The following CNTN5 variants were observed in gnomAD, a reference collection of about 807,000 sequenced individuals.
CNTN5 encodes contactin-5.
In CNTN5, 77 loss-of-function variants were observed where a neutral mutation model predicts 129.1. The ratio of observed to expected loss-of-function variants is 0.60; its 90% confidence interval spans 0.50 to 0.72. CNTN5 has a LOEUF of 0.72. Ranked by LOEUF, CNTN5 falls within the 30% of genes least tolerant of loss-of-function variation. CNTN5 has a pLI of 0.00. For missense variants in CNTN5, 1,478 were observed against 1,328.8 expected (o/e 1.11, Z -1.75); for synonymous variants, 509 against 465.6 (o/e 1.09, Z -1.20).
intron 9 of CNTN5, among the ~76,000 whole-genome samples, chr11:100,051,449 A>G (rs925851777): frequency 2.0e-5 from 3 of 152,086 alleles, no homozygotes; most frequent in African/African-American, 7.2e-5. Context: ...TAACTGAATA[A>G]TAATGAAAAC....
intron 1 of CNTN5, among the ~76,000 whole-genome samples, chr11:99,235,710 C>G (rs575036499): frequency 6.6e-6 from 1 of 152,208 alleles, no homozygotes; most frequent in African/African-American, 2.4e-5. Flanking sequence ...AGTTGGATTT[C>G]TTTTCCTTGG....
rs555558647 is a variant in CNTN5 at position 99,481,950 on chromosome 11, A to T, written c.-70-74195A>T. On this transcript the variant is annotated intron_variant, in intron 2 of 24. Transcript: ENST00000524871. ...AATTTTGTGTAATAAGAACATAATC[A>T]GCACACAATAAATGTTATAAGAATG... Among the ~76,000 whole-genome samples, 7 of 152,312 alleles carry T rather than the reference A, an allele frequency of 4.6e-5. No homozygotes were observed. The South Asian group carries it at 1.4e-3, about 32-fold the overall frequency.
At chr11:99,069,566 TC>T (rs766074724) in intron 1 of CNTN5, among the ~76,000 whole-genome samples, 1 of 152,158 alleles carries the variant, frequency 6.6e-6, no homozygotes, top group African/African-American at 2.4e-5. Flanking sequence ...GGTCAGTCCT[TC>T]CCATTGAAAT....
At chr11:100,248,198 T>G (rs894529057) in intron 16 of CNTN5, among the ~76,000 whole-genome samples, 3 of 152,132 alleles carry the variant, frequency 2.0e-5, no homozygotes, top group South Asian at 2.1e-4. Flanking sequence ...CAAAGACCTG[T>G]TTAATGTTTT....
chr11:99,138,052 T>C (rs1458807720), intron 1 of CNTN5, among the ~76,000 whole-genome samples: 1 of 152,172 alleles, frequency 6.6e-6, no homozygotes, highest in Non-Finnish European at 1.5e-5. Context: ...CTAGCAAAAG[T>C]TTTTAGCTGA....
chr11:99,388,172 T>C (rs550586777), intron 2 of CNTN5, among the ~76,000 whole-genome samples: 1 of 152,110 alleles, frequency 6.6e-6, no homozygotes, highest in South Asian at 2.1e-4. Flanking sequence ...TCCTAGCACT[T>C]TGGGAGGCCG....
intron 16 of CNTN5, among the ~76,000 whole-genome samples, chr11:100,243,133 G>A (rs911244724): frequency 1.4e-4 from 21 of 152,274 alleles, no homozygotes; most frequent in African/African-American, 2.2e-4. Context: ...GTGCACGTGC[G>A]TGTGCACACA....
chr11:99,294,226 G>C (rs1591481750), intron 1 of CNTN5, among the ~76,000 whole-genome samples: 1 of 151,950 alleles, frequency 6.6e-6, no homozygotes. Flanking sequence ...AGTTTCTCTT[G>C]TTTGTGCCCT....
intron 3 of CNTN5, among the ~76,000 whole-genome samples, chr11:99,620,037 A>AAAAAAC (rs1555049913): frequency 2.0e-5 from 3 of 147,836 alleles, no homozygotes; most frequent in Admixed American, 1.4e-4. Context: ...AAAAAAAAAA[A>AAAAAAC]CAAAAAACAA....
intron 2 of CNTN5, among the ~76,000 whole-genome samples, chr11:99,400,655 A>G (rs538370572): frequency 9.2e-5 from 14 of 152,146 alleles, no homozygotes; most frequent in East Asian, 5.8e-4. Context: ...GGACCCTCCA[A>G]ACCCTTCTCC....
chr11:99,340,057 A>G (rs1299343214), intron 2 of CNTN5, among the ~76,000 whole-genome samples: 1 of 152,172 alleles, frequency 6.6e-6, no homozygotes, highest in Non-Finnish European at 1.5e-5. Context: ...GATGGATTAG[A>G]TATGACATGT....
intron 2 of CNTN5, among the ~76,000 whole-genome samples, chr11:99,466,543 A>C (rs1327906636): frequency 6.6e-6 from 1 of 152,096 alleles, no homozygotes; most frequent in Non-Finnish European, 1.5e-5. Flanking sequence ...GAGAGGCAAA[A>C]CTTTTTATAA....
intron 2 of CNTN5, among the ~76,000 whole-genome samples, chr11:99,338,258 C>G (rs560543269): frequency 1.4e-4 from 22 of 152,288 alleles, no homozygotes; most frequent in African/African-American, 4.8e-4. Flanking sequence ...CCTGGTCAAA[C>G]AGCTCTATAC....
At chr11:99,225,280 G>C (rs1860621936) in intron 1 of CNTN5, among the ~76,000 whole-genome samples, 1 of 152,126 alleles carries the variant, frequency 6.6e-6, no homozygotes, top group Non-Finnish European at 1.5e-5. Context: ...GAAGCCTATA[G>C]CAACAGGGCG....
At chr11:99,094,314 A>AAT (rs1460708838) in intron 1 of CNTN5, among the ~76,000 whole-genome samples, 6 of 152,018 alleles carry the variant, frequency 3.9e-5, no homozygotes, top group African/African-American at 9.7e-5. Context: ...GTGTGTCTAA[A>AAT]ACATTGATTC....
At chr11:99,857,237 C>G (rs1365282055) in intron 6 of CNTN5, among the ~76,000 whole-genome samples, 3 of 152,164 alleles carry the variant, frequency 2.0e-5, no homozygotes, top group Non-Finnish European at 4.4e-5. Context: ...TCATTGAGGG[C>G]AGATTTCATG....
At chr11:99,414,963 T>A (rs972331382) in intron 2 of CNTN5, among the ~76,000 whole-genome samples, 5 of 152,194 alleles carry the variant, frequency 3.3e-5, no homozygotes, top group Admixed American at 2.6e-4. Flanking sequence ...ATCTGAACTA[T>A]TTTATTTTTT....
intron 3 of CNTN5, among the ~76,000 whole-genome samples, chr11:99,572,330 T>G (rs1323512838): frequency 1.3e-5 from 2 of 152,186 alleles, no homozygotes; most frequent in Non-Finnish European, 2.9e-5. Context: ...TTAAGAAAAT[T>G]TACAAATTTA....
chr11:99,773,937 A>G (rs11221321), intron 3 of CNTN5, among the ~76,000 whole-genome samples: 9,395 of 152,096 alleles, frequency 0.062, 356 homozygotes, highest in African/African-American at 0.098. Flanking sequence ...GCAGCTTTTC[A>G]TGCCTATGTA....
Sources: gnomAD v4.1 joint callset for allele counts (sites outside exome capture counted in the v4.1 genomes callset) on GRCh38, gnomAD v4.1.1 for gene constraint, MANE v1.5 for transcripts, NCBI Gene and HGNC (gene_info 2026-07-23, HGNC 2026-07-21) for gene names.